Variants in NXPE1 observed in about 807,000 individuals in gnomAD.
NXPE1 encodes NXPE family member 1.
NXPE1 carries 31 observed loss-of-function variants against 33.3 expected under a neutral mutation model. That is an observed-to-expected ratio of 0.93 (90% confidence interval 0.70 to 1.26). The LOEUF (loss-of-function observed/expected upper bound fraction) is 1.26, where lower values mean the gene tolerates loss of function less well. Ranked by LOEUF, NXPE1 falls within the 50% of genes most tolerant of loss-of-function variation. The pLI is 0.00. For missense variants in NXPE1, 661 were observed against 655.6 expected (o/e 1.01, Z -0.09); for synonymous variants, 229 against 231.4 (o/e 0.99, Z 0.09).
chr11:114,547,851 T>C (rs1490094865), intron 5 of NXPE1, among the ~76,000 whole-genome samples: 4 of 152,176 alleles, frequency 2.6e-5, no homozygotes, highest in Admixed American at 2.6e-4. Flanking sequence ...ATTGTAAGTA[T>C]CAGTATGGTT....
At chr11:114,520,059 C>CT (rs971325541), downstream of NXPE1, among the ~76,000 whole-genome samples, 1 of 152,058 alleles carries the variant, frequency 6.6e-6, no homozygotes, top group Non-Finnish European at 1.5e-5. Flanking sequence ...GCTTAGGCCT[C>CT]CCAAAGTGCT....
At chr11:114,545,261 C>T (rs1339547196) in intron 5 of NXPE1, among the ~76,000 whole-genome samples, 1 of 152,184 alleles carries the variant, frequency 6.6e-6, no homozygotes, top group East Asian at 1.9e-4. Context: ...AATACCTGCA[C>T]ATGAATGTTT....
intron 5 of NXPE1, among the ~76,000 whole-genome samples, chr11:114,534,120 G>A (rs1227966211): frequency 6.6e-6 from 1 of 152,166 alleles, no homozygotes; most frequent in African/African-American, 2.4e-5. Flanking sequence ...CAGCATTTGC[G>A]GTTAACCAAT....
chr11:114,533,462 G>A (rs192290252), intron 5 of NXPE1, among the ~76,000 whole-genome samples: 85 of 152,296 alleles, frequency 5.6e-4, no homozygotes, highest in African/African-American at 1.8e-3. Flanking sequence ...GCAGCACACC[G>A]TGCATGAGCT....
At chr11:114,534,355 G>T (rs564465462) in intron 5 of NXPE1, among the ~76,000 whole-genome samples, 1 of 152,086 alleles carries the variant, frequency 6.6e-6, no homozygotes, top group Non-Finnish European at 1.5e-5. Context: ...CAGAAAAACC[G>T]GAAACTCTAA....
chr11:114,522,991 C>G, exon 8 of NXPE1: 1 of 1,613,728 alleles, frequency 6.2e-7, no homozygotes, highest in Non-Finnish European at 8.5e-7. Context: ...CTAACTGAAC[C>G]TGGTTGCAAA....
chr11:114,543,246 C>T lies in NXPE1; in HGVS notation c.99+7857G>A, dbSNP rs181591060. Among the ~76,000 whole-genome samples, 1,019 of 152,188 alleles carry T rather than the reference C, an allele frequency of 6.7e-3. 15 individuals carry two copies. The highest frequency in any genetic ancestry group is 0.022 in the African/African-American group (895 of 41,514). ...TGGCGGGCAGCTGTAATCCCAGCTA[C>T]TCAGGAGGCTGAGGCAGGAGAATTG... is the stretch of plus-strand genomic sequence containing the variant. On this transcript the variant is annotated intron_variant, in intron 5 of 8. Coordinates refer to ENST00000534921, the Ensembl canonical transcript of NXPE1.
chr11:114,535,453 C>T (rs680595), intron 5 of NXPE1, among the ~76,000 whole-genome samples: 3 of 151,978 alleles, frequency 2.0e-5, no homozygotes, highest in East Asian at 1.9e-4. Flanking sequence ...AATGTAAATG[C>T]GCTAAATTGC....
At chr11:114,535,112 G>T (rs191189545) in intron 5 of NXPE1, among the ~76,000 whole-genome samples, 1 of 152,232 alleles carries the variant, frequency 6.6e-6, no homozygotes, top group South Asian at 2.1e-4. Context: ...CCAGAAGAGA[G>T]TGGGGACCAA....
chr11:114,548,459 T>C (rs1948354170), intron 5 of NXPE1, among the ~76,000 whole-genome samples: 2 of 152,002 alleles, frequency 1.3e-5, no homozygotes, highest in South Asian at 4.1e-4. Context: ...GTAGAAATAA[T>C]AATAAAGGCA....
At position 114,521,878 on chromosome 11, in the gene NXPE1, A is replaced by G; in HGVS notation, c.*90T>C. On this transcript the variant is annotated 3_prime_UTR_variant, in exon 9 of 9. Coordinates refer to ENST00000534921, the Ensembl canonical transcript of NXPE1. The stretch of plus-strand genomic sequence containing the variant: ...AGATTCTTTTAAATTTATTTTCCTT[A>G]GTTCCTAAAATGAGTAAAACTTACT... 13 of 986,740 alleles carry G rather than the reference A, an allele frequency of 1.3e-5. No homozygotes were observed. The South Asian group carries it at 2.1e-4, about 16-fold the overall frequency. 61.1% of individuals were successfully genotyped at this position (986,740 alleles called of 1,614,324 possible).
rs79148559 is a variant in NXPE1 at position 114,552,726 on chromosome 11, C to T, written c.-182+126G>A. ...ATTTTTCCTTGCCTAGAAAGTAGTGCGTATGGATATGTTTCAGCAGCATTG... is the reference window on the plus strand; with the variant it reads ...ATTTTTCCTTGCCTAGAAAGTAGTGTGTATGGATATGTTTCAGCAGCATTG... On this transcript the variant is annotated intron_variant, in intron 2 of 8. Transcript: ENST00000534921. 300 of 188,538 alleles carry T rather than the reference C, an allele frequency of 1.6e-3. 1 individual carries two copies. Among genetic ancestry groups the T allele is most frequent in the African/African-American group, 6.1e-3 (257 of 41,884 alleles). 11.7% of individuals were successfully genotyped at this position (188,538 alleles called of 1,614,324 possible). A position where few individuals can be genotyped will look rare whatever the true frequency, so the allele number is the denominator to read the frequency against.
At chr11:114,527,211 T>A (rs1398281029) in intron 7 of NXPE1, 1 of 152,404 alleles carries the variant, frequency 6.6e-6, no homozygotes, top group Non-Finnish European at 1.5e-5. Flanking sequence ...TGTTATGACA[T>A]CAGCACATTA....
intron 1 of NXPE1, chr11:114,553,883 T>C (rs1948586179): frequency 1.0e-6 from 1 of 974,312 alleles, no homozygotes; most frequent in East Asian, 1.1e-4. Flanking sequence ...GATGGGTACA[T>C]TTAGATCGTG....
intron 5 of NXPE1, among the ~76,000 whole-genome samples, chr11:114,550,602 T>TA (rs1437936204): frequency 1.3e-5 from 2 of 152,162 alleles, no homozygotes; most frequent in Non-Finnish European, 2.9e-5. Context: ...ATAGACAATG[T>TA]AACTATACAA....
intron 5 of NXPE1, among the ~76,000 whole-genome samples, chr11:114,548,620 T>C (rs1948357686): frequency 6.6e-6 from 1 of 152,010 alleles, no homozygotes; most frequent in African/African-American, 2.4e-5. Context: ...GTAACTATAA[T>C]TAATGCATAT....
chr11:114,552,362 A>G (rs75386547), intron 2 of NXPE1, among the ~76,000 whole-genome samples: 1 of 152,114 alleles, frequency 6.6e-6, no homozygotes, highest in Non-Finnish European at 1.5e-5. Flanking sequence ...GCAATAGATT[A>G]TTTACTTTTT....
At chr11:114,541,238 A>C (rs565772940) in intron 5 of NXPE1, among the ~76,000 whole-genome samples, 28 of 152,288 alleles carry the variant, frequency 1.8e-4, no homozygotes, top group African/African-American at 6.7e-4. Flanking sequence ...ATTACTCAGC[A>C]TAGGAGGAAC....
chr11:114,520,100 C>T (rs1947179856), downstream of NXPE1, among the ~76,000 whole-genome samples: 1 of 152,046 alleles, frequency 6.6e-6, no homozygotes, highest in African/African-American at 2.4e-5. Flanking sequence ...CCGTGCCTGG[C>T]CACAATTACC....
Sources: allele counts gnomAD v4.1 joint callset (sites outside exome capture counted in the v4.1 genomes callset), GRCh38; gene constraint gnomAD v4.1.1; transcripts MANE v1.5; gene names NCBI Gene and HGNC (gene_info 2026-07-23, HGNC 2026-07-21).